The following DCUN1D1 variants were observed in gnomAD, a reference collection of about 807,000 sequenced individuals.
DCUN1D1 encodes the protein DCN1-like protein 1.
DCUN1D1 carries 3 observed loss-of-function variants against 39.0 expected under a neutral mutation model. The observed-to-expected ratio is 0.08, with a 90% CI of 0.04 to 0.20. The LOEUF (loss-of-function observed/expected upper bound fraction) is 0.20. DCUN1D1 is among the 10% of genes least tolerant of loss of function. The pLI is 1.00. For missense variants in DCUN1D1, 158 were observed against 302.4 expected, an observed-to-expected ratio of 0.52 and a Z score of 3.54; for synonymous variants, 82 against 96.3, an observed-to-expected ratio of 0.85 and a Z score of 0.87.
chr3:182,948,764 A>G (rs538328991), intron 4 of DCUN1D1, among the ~76,000 whole-genome samples: 1 of 152,238 alleles, frequency 6.6e-6, no homozygotes, highest in South Asian at 2.1e-4. Context: ...TAAAAGCAAC[A>G]AAGAGCCAGG....
At chr3:182,949,436 T>C (rs896390104) in intron 4 of DCUN1D1, among the ~76,000 whole-genome samples, 4 of 152,130 alleles carry the variant, frequency 2.6e-5, no homozygotes, top group Admixed American at 2.6e-4. Flanking sequence ...AAATCAATTA[T>C]AGGCTGCATG....
At chr3:182,975,487 C>T (rs1480545887) in intron 1 of DCUN1D1, among the ~76,000 whole-genome samples, 1 of 151,890 alleles carries the variant, frequency 6.6e-6, no homozygotes, top group Admixed American at 6.6e-5. Context: ...AAAATTAACA[C>T]AGAATTAACT....
At chr3:182,961,145 T>A in intron 4 of DCUN1D1, 81 bp downstream of exon 4, 2 of 1,021,896 alleles carry the variant, frequency 2.0e-6, no homozygotes, top group Non-Finnish European at 2.8e-6. Flanking sequence ...TCAAAACACA[T>A]AACTTTCTAT....
upstream of DCUN1D1, among the ~76,000 whole-genome samples, chr3:182,981,914 G>GTA (rs1244885532): frequency 6.6e-6 from 1 of 152,186 alleles, no homozygotes; most frequent in Non-Finnish European, 1.5e-5. Context: ...TGGGCTCTGG[G>GTA]TAAATAGTCC....
chr3:182,956,355 T>G (rs1727063931), intron 4 of DCUN1D1: 1 of 226,568 alleles, frequency 4.4e-6, no homozygotes, highest in Non-Finnish European at 9.4e-6. Context: ...AAAGCCACAA[T>G]GTCTTAATTT....
Position 182,965,723 on chromosome 3 carries a change from C to G in DCUN1D1, c.34G>C (p.Val12Leu). The G allele has an allele frequency of 6.2e-7, 1 of 1,613,466 alleles. No homozygotes were observed. The highest frequency in any genetic ancestry group is 8.5e-7 in the Non-Finnish European group (1 of 1,179,734). Residue 12 changes from valine (V) to leucine (L), a missense_variant, in exon 2 of 7, where the codon GTT becomes CTT. Val to Leu is a conservative substitution (Grantham distance 32). Around this residue, in one of 4 missense-constraint regions of DCUN1D1, gnomAD observed 12 missense variants for 53.3 expected, o/e 0.22. Transcript: ENST00000292782. ...TGTGTGAAGATCATAAACTGACGAA[C>G]TTTATCCTTCTGCGATGATTTCAAC... is the stretch of plus-strand genomic sequence containing the variant. ...NKLKSSQKDK[V>L]RQFMIFTQSS...
chr3:182,972,876 C>T (rs975839393), intron 1 of DCUN1D1, among the ~76,000 whole-genome samples: 1 of 152,110 alleles, frequency 6.6e-6, no homozygotes, highest in Non-Finnish European at 1.5e-5. Context: ...AACCCCATCT[C>T]GACTAAGAAT....
At chr3:182,970,950 C>T (rs1213658496) in intron 1 of DCUN1D1, among the ~76,000 whole-genome samples, 1 of 152,214 alleles carries the variant, frequency 6.6e-6, no homozygotes. Flanking sequence ...CCAGAGCAGA[C>T]TTTCACCTAG....
intron 1 of DCUN1D1, among the ~76,000 whole-genome samples, chr3:182,979,806 A>T (rs1425396501): frequency 6.6e-6 from 1 of 152,030 alleles, no homozygotes; most frequent in Non-Finnish European, 1.5e-5. Context: ...CCCCAAGCTC[A>T]GCAGTCTCCC....
chr3:182,946,125 A>T, intron 6 of DCUN1D1, among the ~76,000 whole-genome samples: 1 of 152,224 alleles, frequency 6.6e-6, no homozygotes, highest in South Asian at 2.1e-4. Context: ...TCACTTCTAC[A>T]TATAGAAAAA....
chr3:182,984,195 A>G (rs1174591064), upstream of DCUN1D1, among the ~76,000 whole-genome samples: 1 of 152,230 alleles, frequency 6.6e-6, no homozygotes, highest in Non-Finnish European at 1.5e-5. Context: ...TGGCAGATGT[A>G]TGTTATACCA....
At chr3:182,984,328 TTAA>T (rs1308108088), upstream of DCUN1D1, among the ~76,000 whole-genome samples, 1 of 152,214 alleles carries the variant, frequency 6.6e-6, no homozygotes, top group Non-Finnish European at 1.5e-5. Flanking sequence ...AACATATTTG[TTAA>T]AATTGTCCTG....
At chr3:182,975,177 T>C (rs1728158245) in intron 1 of DCUN1D1, among the ~76,000 whole-genome samples, 1 of 145,130 alleles carries the variant, frequency 6.9e-6, no homozygotes, top group Non-Finnish European at 1.5e-5. Flanking sequence ...AACACAGAAT[T>C]TTTTTTTTTT....
At chr3:182,955,453 C>T (rs781065174) in intron 4 of DCUN1D1, 14 of 540,082 alleles carry the variant, frequency 2.6e-5, no homozygotes, top group African/African-American at 3.9e-5. Flanking sequence ...ATGGTCTACA[C>T]GTTATGAGAT....
At chr3:182,980,650 C>G (rs1240683500), upstream of DCUN1D1, 1 of 909,564 alleles carries the variant, frequency 1.1e-6, no homozygotes, top group Non-Finnish European at 1.3e-6. Context: ...CTCGGGGAGG[C>G]GGAGGGACGG....
chr3:182,957,790 G>A (rs745372247), intron 4 of DCUN1D1, among the ~76,000 whole-genome samples: 45 of 151,124 alleles, frequency 3.0e-4, no homozygotes, highest in Non-Finnish European at 5.5e-4. Flanking sequence ...TAAAAAATTA[G>A]CCTGGCATGG....
At chr3:182,981,876 A>G (rs1728565131), upstream of DCUN1D1, among the ~76,000 whole-genome samples, 1 of 152,224 alleles carries the variant, frequency 6.6e-6, no homozygotes, top group African/African-American at 2.4e-5. Context: ...TATTTAAAGA[A>G]TGCATGTGAA....
intron 6 of DCUN1D1, among the ~76,000 whole-genome samples, chr3:182,946,556 C>CAAAA (rs71185614): frequency 1.8e-4 from 11 of 61,510 alleles, no homozygotes; most frequent in Admixed American, 2.2e-4. Flanking sequence ...GACTCCATCT[C>CAAAA]AAAAAAAAAA....
intron 1 of DCUN1D1, among the ~76,000 whole-genome samples, chr3:182,970,471 A>C (rs1169766928): frequency 3.3e-5 from 5 of 152,148 alleles, no homozygotes; most frequent in African/African-American, 1.2e-4. Context: ...ACAGCAAAAA[A>C]ATAAGATCCA....
Sources: allele counts gnomAD v4.1 joint callset (sites outside exome capture counted in the v4.1 genomes callset), GRCh38; gene constraint gnomAD v4.1.1; regional missense constraint gnomAD v4.1.1; transcripts MANE v1.5; gene names NCBI Gene and HGNC (gene_info 2026-07-23, HGNC 2026-07-21).